DLG1: variants seen among roughly 807,000 people sequenced by gnomAD.
The protein encoded by DLG1 is discs large MAGUK scaffold protein 1, also known as disks large homolog 1.
DLG1 carries 42 observed loss-of-function variants against 123.4 expected under a neutral mutation model. The ratio of observed to expected loss-of-function variants is 0.34; its 90% CI spans 0.27 to 0.44. DLG1 has a LOEUF of 0.44. DLG1 is among the 20% of genes least tolerant of loss of function. The pLI, the probability that DLG1 is intolerant of heterozygous loss-of-function variation, is 1.00. For missense variants in DLG1, 942 were observed against 1,082.6 expected (o/e 0.87, Z 1.82); for synonymous variants, 317 against 356.2 (o/e 0.89, Z 1.24).
chr3:197,056,041 C>T (rs573550307), intron 23 of DLG1, among the ~76,000 whole-genome samples: 2 of 152,148 alleles, frequency 1.3e-5, no homozygotes, highest in African/African-American at 2.4e-5. Context: ...TGAGGGTAGA[C>T]GAACAGGTAG....
At position 197,296,406 on chromosome 3, in the gene DLG1, T is replaced by G; in HGVS notation, c.91A>C (p.Arg31=). 1 of 1,613,524 alleles carries G rather than the reference T, an allele frequency of 6.2e-7. No individual in the cohort carries two copies. Among genetic ancestry groups the G allele is most frequent in the Non-Finnish European group, 8.5e-7 (1 of 1,179,460 alleles). Residue 31 remains arginine, a synonymous_variant, in exon 3 of 25, where the codon AGA becomes CGA. Coordinates refer to ENST00000667157, the MANE Select transcript of DLG1 (RefSeq NM_001366207.1). ...KLSQTEDRQL[R]SSIERVINIF... is the part of the protein sequence containing the mutation. The stretch of plus-strand genomic sequence containing the variant: ...TTAATAACCCGTTCTATGGAACTTC[T>G]GAGCTGTCTGTCTTCAGTTTGGCTT...
chr3:197,219,024 G>A (rs1055308399), intron 4 of DLG1, among the ~76,000 whole-genome samples: 4 of 152,056 alleles, frequency 2.6e-5, no homozygotes, highest in Admixed American at 2.0e-4. Flanking sequence ...CAGCTACTCC[G>A]GAAGGCTGAG....
chr3:197,061,714 C>G (rs1480745254), intron 22 of DLG1, among the ~76,000 whole-genome samples: 1 of 152,046 alleles, frequency 6.6e-6, no homozygotes, highest in Non-Finnish European at 1.5e-5. Flanking sequence ...ACATTTTTGG[C>G]AGGAATACTA....
intron 13 of DLG1, among the ~76,000 whole-genome samples, chr3:197,112,885 G>A (rs1296865450): frequency 3.9e-5 from 6 of 152,108 alleles, no homozygotes; most frequent in Admixed American, 2.0e-4. Flanking sequence ...CAAGAGTCAC[G>A]TCACCCAGCG....
intron 4 of DLG1, among the ~76,000 whole-genome samples, chr3:197,276,224 G>T (rs1030091325): frequency 6.6e-6 from 1 of 152,092 alleles, no homozygotes; most frequent in African/African-American, 2.4e-5. Flanking sequence ...GTGTTTATCC[G>T]ATCTCTTACC....
chr3:197,222,449 T>C (rs1217141043), intron 4 of DLG1, among the ~76,000 whole-genome samples: 1 of 152,224 alleles, frequency 6.6e-6, no homozygotes, highest in African/African-American at 2.4e-5. Flanking sequence ...TAGTATTTAT[T>C]ATTTGCAAAT....
chr3:197,268,560 C>T (rs1320905851), intron 4 of DLG1, among the ~76,000 whole-genome samples: 1 of 151,966 alleles, frequency 6.6e-6, no homozygotes, highest in African/African-American at 2.4e-5. Context: ...GCTGGGACTA[C>T]AGGCATGAAG....
In DLG1 at chr3:197,289,338, G is replaced by GCACA. The variant is rs996963098; in HGVS notation, c.152-6494_152-6493insTGTG. Among the ~76,000 whole-genome samples, 15 of 69,978 alleles carry GCACA rather than the reference G, an allele frequency of 2.1e-4. No homozygotes were observed. In the East Asian group the frequency reaches 7.0e-3, roughly 33 times the overall value. 45.9% of individuals were successfully genotyped at this position (69,978 alleles called of 152,430 possible). A position where few individuals can be genotyped will look rare whatever the true frequency, so the allele number is the denominator to read the frequency against. On this transcript the variant is annotated intron_variant, in intron 3 of 24. Transcript: ENST00000667157. ...GGTGGGGGGTGGCGTGTATACACGC[G>GCACA]CATACACACACACACACACACACAC...
chr3:197,051,682 T>C lies in DLG1; in HGVS notation c.2484-14A>G. ...TTATTCATTTCCCTACGAAAATAAA[T>C]GTAGAAATTGATAATTACCAAATTA... On this transcript the variant is annotated splice_polypyrimidine_tract_variant and intron_variant, in intron 23 of 24. Coordinates refer to ENST00000667157, the MANE Select transcript of DLG1 (RefSeq NM_001366207.1). The C allele has an allele frequency of 6.3e-7, 1 of 1,593,428 alleles. No individual in the cohort carries two copies. The highest frequency in any genetic ancestry group is 2.2e-5 in the East Asian group (1 of 44,744).
intron 5 of DLG1, among the ~76,000 whole-genome samples, chr3:197,152,532 T>C (rs1794448694): frequency 1.4e-5 from 2 of 146,534 alleles, no homozygotes; most frequent in Admixed American, 1.4e-4. Context: ...ATCCCAGCAC[T>C]CTGGGAGGCC....
chr3:197,132,335 G>A (rs557237751), intron 10 of DLG1, among the ~76,000 whole-genome samples: 68 of 149,044 alleles, frequency 4.6e-4, no homozygotes, highest in Non-Finnish European at 7.0e-4. Flanking sequence ...CAATGTTTCC[G>A]TTTTAAATTA....
intron 3 of DLG1, among the ~76,000 whole-genome samples, chr3:197,287,921 C>T (rs917535970): frequency 6.6e-6 from 1 of 152,198 alleles, no homozygotes; most frequent in Admixed American, 6.5e-5. Context: ...TTAAAATGCA[C>T]ACTCCCTTTG....
chr3:197,057,211 C>T (rs1440593104), intron 23 of DLG1, among the ~76,000 whole-genome samples: 1 of 152,104 alleles, frequency 6.6e-6, no homozygotes. Context: ...TCCTAAGTAG[C>T]TGGGATTACA....
intron 4 of DLG1, among the ~76,000 whole-genome samples, chr3:197,249,901 T>C (rs1753538622): frequency 6.6e-6 from 1 of 152,170 alleles, no homozygotes; most frequent in African/African-American, 2.4e-5. Flanking sequence ...CTGTTACAGA[T>C]GAAACATAGC....
intron 5 of DLG1, among the ~76,000 whole-genome samples, chr3:197,152,504 C>T (rs534252615): frequency 1.3e-3 from 179 of 136,782 alleles, no homozygotes; most frequent in African/African-American, 4.7e-3. Context: ...AGGCCGGGTG[C>T]GGTGGCTCAC....
intron 4 of DLG1, among the ~76,000 whole-genome samples, chr3:197,245,940 T>C (rs1751520251): frequency 6.8e-6 from 1 of 146,994 alleles, no homozygotes; most frequent in African/African-American, 2.5e-5. Flanking sequence ...ATCCAGTACC[T>C]GGGTGATTAA....
At position 197,140,247 on chromosome 3, in the gene DLG1, A is replaced by T; in HGVS notation, c.606T>A (p.Gly202=). ...ITLERGNSGL[G]FSIAGGTDNP... Reference sequence around the variant, plus strand: ...TGTCCGTACCTCCTGCAATGCTGAAACCAAGCCCTGAATTTCCCTGAGGAT... The same window carrying T: ...TGTCCGTACCTCCTGCAATGCTGAATCCAAGCCCTGAATTTCCCTGAGGAT... Residue 202 remains glycine (G), a synonymous_variant, in exon 8 of 25, where the codon GGT becomes GGA. Coordinates refer to ENST00000667157, the MANE Select transcript of DLG1 (RefSeq NM_001366207.1). 6.2e-7 allele frequency: 1 copy of T among 1,613,436 alleles called. No homozygotes were observed. Among genetic ancestry groups the T allele is most frequent in the Non-Finnish European group, 8.5e-7 (1 of 1,179,642 alleles).
At chr3:197,164,455 A>C (rs1800291691) in intron 5 of DLG1, among the ~76,000 whole-genome samples, 1 of 152,118 alleles carries the variant, frequency 6.6e-6, no homozygotes, top group Admixed American at 6.5e-5. Flanking sequence ...ATCTACCCTA[A>C]GGAAATAATT....
chr3:197,160,367 T>C lies in DLG1; in HGVS notation c.484-10571A>G, dbSNP rs547475318. 7.5e-5 allele frequency among the ~76,000 whole-genome samples: 10 copies of C among 133,310 alleles called. No individual in the cohort carries two copies. In the Admixed American group the frequency reaches 7.7e-4, roughly 10 times the overall value. The allele number at this position is 133,310 out of a possible 152,430, so 87.5% of individuals were successfully genotyped here. On this transcript the variant is annotated intron_variant, in intron 5 of 24. Coordinates refer to ENST00000667157, the MANE Select transcript of DLG1 (RefSeq NM_001366207.1). ...AGAGTAAAATAAACTTTCAATTCTATTAAAAAAAAAAAAAACTGTACTAAT... is the reference window on the plus strand; with the variant it reads ...AGAGTAAAATAAACTTTCAATTCTACTAAAAAAAAAAAAAACTGTACTAAT...
Sources: gnomAD v4.1 joint callset for allele counts (sites outside exome capture counted in the v4.1 genomes callset) on GRCh38, gnomAD v4.1.1 for gene constraint, MANE v1.5 for transcripts, NCBI Gene and HGNC (gene_info 2026-07-23, HGNC 2026-07-21) for gene names.